Variants in SUSD6 observed in about 807,000 individuals in gnomAD.
The protein encoded by SUSD6 is sushi domain containing 6.
A neutral mutation model predicts 28.4 loss-of-function variants in SUSD6; 16 were observed. That is an observed-to-expected ratio of 0.56 (90% confidence interval 0.38 to 0.86). The LOEUF is 0.86. Among genes scored for constraint, SUSD6 ranks in the 40% least tolerant of loss-of-function variants. SUSD6 has a pLI of 0.00. For synonymous variants in SUSD6, 147 were observed against 159.6 expected (o/e 0.92, Z 0.59); for missense variants, 341 against 384.2 (o/e 0.89, Z 0.94).
intron 1 of SUSD6, among the ~76,000 whole-genome samples, chr14:69,650,178 G>A (rs1342931613): frequency 6.6e-6 from 1 of 152,180 alleles, no homozygotes; most frequent in Non-Finnish European, 1.5e-5. Context: ...GTCTCAGGCA[G>A]TGTTTCCAAA....
At chr14:69,632,659 A>G (rs1332953958) in intron 1 of SUSD6, among the ~76,000 whole-genome samples, 1 of 151,756 alleles carries the variant, frequency 6.6e-6, no homozygotes, top group East Asian at 1.9e-4. Flanking sequence ...CATTAAAAAA[A>G]AAAAACAAAA....
chr14:69,629,981 A>C (rs1885170343), intron 1 of SUSD6, among the ~76,000 whole-genome samples: 1 of 152,186 alleles, frequency 6.6e-6, no homozygotes, highest in Admixed American at 6.5e-5. Context: ...AGAGGTTTGA[A>C]TGTAGTGGTA....
At chr14:69,630,171 G>T (rs1343922500) in intron 1 of SUSD6, among the ~76,000 whole-genome samples, 1 of 152,172 alleles carries the variant, frequency 6.6e-6, no homozygotes, top group African/African-American at 2.4e-5. Context: ...CTTTGAAGTA[G>T]ATTGCTTGTG....
At chr14:69,649,408 A>G (rs770324338) in intron 1 of SUSD6, among the ~76,000 whole-genome samples, 1 of 152,230 alleles carries the variant, frequency 6.6e-6, no homozygotes, top group Non-Finnish European at 1.5e-5. Context: ...GTGATGACAC[A>G]TGAGATATAT....
intron 2 of SUSD6, among the ~76,000 whole-genome samples, chr14:69,661,629 G>T (rs1221415185): frequency 6.6e-6 from 1 of 152,122 alleles, no homozygotes; most frequent in African/African-American, 2.4e-5. Context: ...GCTTCTAGGG[G>T]AGTAGGTGCC....
At position 69,704,288 on chromosome 14, in the gene SUSD6, A is replaced by G. The variant is rs533508913; in HGVS notation, c.320-316A>G. 4.6e-5 allele frequency among the ~76,000 whole-genome samples: 7 copies of G among 152,362 alleles called. No individual in the cohort carries two copies. In the East Asian group the frequency reaches 1.2e-3, roughly 25 times the overall value. ...AAATTGTCGATGTTTACAAACTTCAAGCTTTTGAGGATGGGATCAAAGTGG... is the reference window on the plus strand; with the variant it reads ...AAATTGTCGATGTTTACAAACTTCAGGCTTTTGAGGATGGGATCAAAGTGG... On this transcript the variant is annotated intron_variant, in intron 3 of 5. Coordinates refer to ENST00000342745, the MANE Select transcript of SUSD6 (RefSeq NM_014734.4).
intron 1 of SUSD6, among the ~76,000 whole-genome samples, chr14:69,644,171 A>G (rs765954763): frequency 6.6e-6 from 1 of 152,194 alleles, no homozygotes; most frequent in South Asian, 2.1e-4. Flanking sequence ...TCGTACATGT[A>G]GGTGCCCAAT....
intron 2 of SUSD6, among the ~76,000 whole-genome samples, chr14:69,685,103 T>A (rs1269764162): frequency 6.6e-6 from 1 of 152,242 alleles, no homozygotes; most frequent in East Asian, 1.9e-4. Context: ...ATGGGACAGT[T>A]GAGAGGACTC....
At chr14:69,626,499 G>A (rs560683371) in intron 1 of SUSD6, among the ~76,000 whole-genome samples, 47 of 152,162 alleles carry the variant, frequency 3.1e-4, no homozygotes, top group Middle Eastern at 3.4e-3. Flanking sequence ...CCAAATTTGC[G>A]TTTAATGGTG....
At chr14:69,675,610 C>T (rs545873008) in intron 2 of SUSD6, among the ~76,000 whole-genome samples, 1 of 152,112 alleles carries the variant, frequency 6.6e-6, no homozygotes, top group South Asian at 2.1e-4. Flanking sequence ...AGAGAAATAG[C>T]AGGTAGCAAT....
At chr14:69,628,726 T>G (rs1206024852) in intron 1 of SUSD6, among the ~76,000 whole-genome samples, 1 of 151,110 alleles carries the variant, frequency 6.6e-6, no homozygotes, top group Non-Finnish European at 1.5e-5. Flanking sequence ...TGGGTTTTTT[T>G]TTTTTTTTTT....
At chr14:69,648,168 A>G (rs148037113) in intron 1 of SUSD6, among the ~76,000 whole-genome samples, 9 of 152,340 alleles carry the variant, frequency 5.9e-5, no homozygotes, top group South Asian at 2.1e-4. Context: ...TGTACTTTAT[A>G]TATATTTCCC....
At chr14:69,682,936 T>A (rs1886018297) in intron 2 of SUSD6, among the ~76,000 whole-genome samples, 1 of 150,184 alleles carries the variant, frequency 6.7e-6, no homozygotes, top group Admixed American at 6.7e-5. Flanking sequence ...CTGTTCTGTT[T>A]TCCAAGAAGC....
At chr14:69,709,182 C>A in intron 5 of SUSD6, 78 bp downstream of exon 5, 1 of 1,280,046 alleles carries the variant, frequency 7.8e-7, no homozygotes, top group Non-Finnish European at 1.1e-6. Context: ...GTGAGCCTTT[C>A]TAAATAATTG....
chr14:69,668,603 C>T lies in SUSD6; in HGVS notation c.121+9890C>T, dbSNP rs146189054. ...TGAGCCAAGATTGCATCACTGCACT[C>T]CAGCCTGGGCAATAAGAGCAAGAAT... On this transcript the variant is annotated intron_variant, in intron 2 of 5. Coordinates refer to ENST00000342745, the MANE Select transcript of SUSD6 (RefSeq NM_014734.4). Among the ~76,000 whole-genome samples the T allele has an allele frequency of 1.6e-3, 245 of 149,832 alleles. 1 individual carries two copies. The highest frequency in any genetic ancestry group is 5.4e-3 in the African/African-American group (220 of 40,792).
chr14:69,632,982 C>T (rs1885216828), intron 1 of SUSD6, among the ~76,000 whole-genome samples: 2 of 152,174 alleles, frequency 1.3e-5, no homozygotes, highest in South Asian at 4.1e-4. Flanking sequence ...CCAGGTTCAC[C>T]CTGCTAGAAC....
Position 69,709,224 on chromosome 14 carries a change from G to T in SUSD6, c.886+120G>T, listed in dbSNP as rs1886429010. 5 of 929,422 alleles carry T rather than the reference G, an allele frequency of 5.4e-6. No homozygotes were observed. In the South Asian group the frequency reaches 9.1e-5, roughly 17 times the overall value. 57.6% of individuals were successfully genotyped at this position (929,422 alleles called of 1,614,324 possible). On this transcript the variant is annotated intron_variant, in intron 5 of 5. Transcript: ENST00000342745. ...TTTTAGCAAAAAAAAGATAGTACCT[G>T]GGGTATTTGCCTACAAAATAGAATT...
chr14:69,616,831 C>T (rs1884966625), intron 1 of SUSD6, among the ~76,000 whole-genome samples: 1 of 151,568 alleles, frequency 6.6e-6, no homozygotes, highest in African/African-American at 2.4e-5. Flanking sequence ...TCATAAAATT[C>T]ACCCATTTAA....
chr14:69,641,963 G>T (rs1885359835), intron 1 of SUSD6, among the ~76,000 whole-genome samples: 1 of 152,004 alleles, frequency 6.6e-6, no homozygotes, highest in African/African-American at 2.4e-5. Context: ...TGTTCTTCTT[G>T]AACACATGGA....
Sources: gnomAD v4.1 joint callset for allele counts (sites outside exome capture counted in the v4.1 genomes callset) on GRCh38, gnomAD v4.1.1 for gene constraint, MANE v1.5 for transcripts, NCBI Gene and HGNC (gene_info 2026-07-23, HGNC 2026-07-21) for gene names.